ADGRG6: variants seen among roughly 807,000 people sequenced by gnomAD.
The protein encoded by ADGRG6 is adhesion G protein-coupled receptor G6.
A neutral mutation model predicts 142.4 loss-of-function variants in ADGRG6; 84 were observed. The observed-to-expected ratio is 0.59, with a 90% CI of 0.49 to 0.71. The LOEUF is 0.71. ADGRG6 is among the 30% of genes least tolerant of loss of function. The pLI, the probability that ADGRG6 is intolerant of heterozygous loss-of-function variation, is 0.00. For synonymous variants in ADGRG6, 521 were observed against 520.5 expected (o/e 1.00, Z -0.01); for missense variants, 1,367 against 1,466.6 (o/e 0.93, Z 1.11).
At chr6:142,385,660 A>T (rs1320483208) in intron 6 of ADGRG6, among the ~76,000 whole-genome samples, 1 of 152,194 alleles carries the variant, frequency 6.6e-6, no homozygotes, top group South Asian at 2.1e-4. Flanking sequence ...CCTGTATCCT[A>T]TTGCCTTCTC....
At chr6:142,323,364 A>T (rs1445507984) in intron 2 of ADGRG6, among the ~76,000 whole-genome samples, 1 of 152,106 alleles carries the variant, frequency 6.6e-6, no homozygotes, top group Non-Finnish European at 1.5e-5. Context: ...CGCATTAAAA[A>T]AAGGTGAGGC....
intron 22 of ADGRG6, 89 bp downstream of exon 22, chr6:142,420,193 T>A (rs1776593934): frequency 1.0e-6 from 1 of 993,596 alleles, no homozygotes; most frequent in Admixed American, 2.1e-5. Flanking sequence ...CCATGTTAAG[T>A]TTCTGTGTCA....
chr6:142,427,696 A>C (rs1777016320), intron 22 of ADGRG6, among the ~76,000 whole-genome samples: 1 of 152,218 alleles, frequency 6.6e-6, no homozygotes, highest in Admixed American at 6.5e-5. Flanking sequence ...TTATAAAAGA[A>C]AGAGGTTTAA....
At chr6:142,348,866 G>T (rs1052516982) in intron 2 of ADGRG6, among the ~76,000 whole-genome samples, 1 of 152,042 alleles carries the variant, frequency 6.6e-6, no homozygotes, top group East Asian at 1.9e-4. Flanking sequence ...TTTTTGAATT[G>T]ATTGGGATTT....
chr6:142,423,552 A>G (rs1776773394), intron 22 of ADGRG6, among the ~76,000 whole-genome samples: 2 of 149,292 alleles, frequency 1.3e-5, no homozygotes, highest in Admixed American at 1.3e-4. Flanking sequence ...TACCAGTACC[A>G]TGCTGTTTTG....
At position 142,397,664 on chromosome 6, in the gene ADGRG6, G is replaced by A. The variant is rs989946; in HGVS notation, c.1476G>A (p.Leu492=). Residue 492 remains leucine, a synonymous_variant, in exon 10 of 25, where the codon TTG becomes TTA. Transcript: ENST00000367609. ...ACAATGCTACCAACAATACTAATTTGGAAGGAAAAATCATTCAGCAGAAGC... is the reference window on the plus strand; with the variant it reads ...ACAATGCTACCAACAATACTAATTTAGAAGGAAAAATCATTCAGCAGAAGC... ...LVYNATNNTN[L]EGKIIQQKLL... is the part of the protein sequence containing the mutation. The A allele has an allele frequency of 0.99, 1,599,770 of 1,609,076 alleles. 795,287 individuals carry two copies. Among genetic ancestry groups the A allele is most frequent in the East Asian group, 1 (44,696 of 44,698 alleles).
intron 24 of ADGRG6, among the ~76,000 whole-genome samples, chr6:142,440,164 G>A (rs1281888391): frequency 6.6e-6 from 1 of 152,170 alleles, no homozygotes; most frequent in Non-Finnish European, 1.5e-5. Flanking sequence ...AAGGGCTATA[G>A]GATTCGGGGG....
Position 142,303,615 on chromosome 6 carries a change from A to G in ADGRG6, c.2+1284A>G, listed in dbSNP as rs541615495. ...ATTTTGGGATACAGCCAGCATTTTC[A>G]TATAAGACTTGTTCTCATATACAGG... On this transcript the variant is annotated intron_variant, in intron 1 of 24. Coordinates refer to ENST00000367609, the MANE Select transcript of ADGRG6 (RefSeq NM_198569.3). 7.2e-5 allele frequency among the ~76,000 whole-genome samples: 11 copies of G among 152,342 alleles called. No individual in the cohort carries two copies. In the South Asian group the frequency reaches 2.3e-3, roughly 32 times the overall value.
chr6:142,432,769 T>C (rs1307382487), intron 22 of ADGRG6, among the ~76,000 whole-genome samples: 1 of 152,214 alleles, frequency 6.6e-6, no homozygotes, highest in African/African-American at 2.4e-5. Context: ...ATAATTCACA[T>C]TTTACTACCC....
intron 18 of ADGRG6, among the ~76,000 whole-genome samples, chr6:142,413,938 A>C (rs1320359189): frequency 9.8e-6 from 1 of 101,590 alleles, no homozygotes; most frequent in Non-Finnish European, 2.1e-5. Context: ...CACACACACA[A>C]CTTAAGGCCT....
At chr6:142,303,969 G>T (rs1777356447) in intron 1 of ADGRG6, among the ~76,000 whole-genome samples, 1 of 152,070 alleles carries the variant, frequency 6.6e-6, no homozygotes, top group South Asian at 2.1e-4. Context: ...TTGATACCTA[G>T]ATTTGAGATT....
At chr6:142,381,078 G>C (rs929751130) in intron 4 of ADGRG6, among the ~76,000 whole-genome samples, 1 of 152,128 alleles carries the variant, frequency 6.6e-6, no homozygotes, top group Non-Finnish European at 1.5e-5. Flanking sequence ...TAAACTGTTA[G>C]GTTATTTTCT....
intron 2 of ADGRG6, among the ~76,000 whole-genome samples, chr6:142,312,504 A>G (rs576470821): frequency 6.6e-6 from 1 of 152,206 alleles, no homozygotes; most frequent in East Asian, 1.9e-4. Context: ...CCATAGAAGT[A>G]TGCCTTAAAA....
At chr6:142,377,649 T>C (rs901560598) in intron 4 of ADGRG6, among the ~76,000 whole-genome samples, 2 of 152,258 alleles carry the variant, frequency 1.3e-5, no homozygotes, top group South Asian at 2.1e-4. Context: ...AATTTGTTGA[T>C]GATAAAACAT....
intron 22 of ADGRG6, among the ~76,000 whole-genome samples, chr6:142,421,872 C>G: frequency 6.6e-6 from 1 of 152,080 alleles, no homozygotes; most frequent in East Asian, 1.9e-4. Context: ...ATTAAAACAC[C>G]TCCCAGAAAG....
At chr6:142,348,370 T>C (rs1318165955) in intron 2 of ADGRG6, among the ~76,000 whole-genome samples, 1 of 152,150 alleles carries the variant, frequency 6.6e-6, no homozygotes, top group East Asian at 1.9e-4. Context: ...AAAATTTAGA[T>C]ATAAGCATGA....
Position 142,438,364 on chromosome 6 carries a change from G to C in ADGRG6, c.3574G>C (p.Asp1192His), listed in dbSNP as rs200899578. 6.0e-5 allele frequency: 96 copies of C among 1,599,670 alleles called. No individual in the cohort carries two copies. Among genetic ancestry groups the C allele is most frequent in the Non-Finnish European group, 8.1e-5 (95 of 1,173,302 alleles). Residue 1192 changes from aspartate (D) to histidine (H), a missense_variant and splice_region_variant, in exon 24 of 25, where the codon GAC (aspartate) becomes CAC (histidine). Around this residue, in one of 3 missense-constraint regions of ADGRG6, gnomAD observed 344 missense variants for 348.7 expected, o/e 0.99. Transcript: ENST00000367609. ...CTATTTCAAAAGGAATAGCCACACA[G>C]GTGAGTCTAAAGATGTCCTCAAGTT... The part of the protein sequence containing the change: ...TTYFKRNSHT[D>H]SASMDKSLSK...
chr6:142,330,993 A>G (rs890790293), intron 2 of ADGRG6, among the ~76,000 whole-genome samples: 10 of 151,930 alleles, frequency 6.6e-5, no homozygotes, highest in Non-Finnish European at 1.2e-4. Context: ...CAGTTTTTCT[A>G]TGGGAACTCA....
chr6:142,362,593 C>T (rs1229146110), intron 2 of ADGRG6, among the ~76,000 whole-genome samples: 2 of 152,104 alleles, frequency 1.3e-5, no homozygotes, highest in Non-Finnish European at 2.9e-5. Flanking sequence ...TCACAGATGT[C>T]ACAGCCAGAT....
Sources: gnomAD v4.1 joint callset for allele counts (sites outside exome capture counted in the v4.1 genomes callset) on GRCh38, gnomAD v4.1.1 for gene constraint, gnomAD v4.1.1 regional missense constraint, MANE v1.5 for transcripts, NCBI Gene and HGNC (gene_info 2026-07-23, HGNC 2026-07-21) for gene names.